The following NLGN1 variants were observed in gnomAD, a reference collection of about 807,000 sequenced individuals.
The protein encoded by NLGN1 is neuroligin-1.
A neutral mutation model predicts 65.5 loss-of-function variants in NLGN1; 12 were observed. The observed-to-expected ratio is 0.18, with a 90% confidence interval of 0.12 to 0.30. NLGN1 has a LOEUF of 0.30. Among genes scored for constraint, NLGN1 ranks in the 10% least tolerant of loss-of-function variants. NLGN1 has a pLI of 1.00. For synonymous variants in NLGN1, 350 were observed against 359.5 expected (o/e 0.97, Z 0.30); for missense variants, 750 against 1,007.1 (o/e 0.74, Z 3.46).
chr3:173,504,795 C>G (rs1731724921), intron 2 of NLGN1, among the ~76,000 whole-genome samples: 1 of 152,088 alleles, frequency 6.6e-6, no homozygotes, highest in Non-Finnish European at 1.5e-5. Flanking sequence ...ACCACGTTCT[C>G]TTTCCCTTAT....
chr3:173,512,519 T>C lies in NLGN1; in HGVS notation c.-321+77441T>C, dbSNP rs145145897. On this transcript the variant is annotated intron_variant, in intron 2 of 6. Transcript: ENST00000457714. The stretch of plus-strand genomic sequence containing the variant: ...CTTCTTCCCGATGTCCAGCTGCTTC[T>C]AACCTCTGCCGGCTGAGTCTGGGGT... Among the ~76,000 whole-genome samples the C allele has an allele frequency of 1.1e-4, 16 of 152,290 alleles. No homozygotes were observed. The East Asian group carries it at 2.9e-3, about 28-fold the overall frequency.
At chr3:173,454,093 A>C (rs1387867299) in intron 2 of NLGN1, among the ~76,000 whole-genome samples, 1 of 152,196 alleles carries the variant, frequency 6.6e-6, no homozygotes, top group African/African-American at 2.4e-5. Flanking sequence ...AGAGCTCTTG[A>C]GTGACTAGGT....
chr3:174,288,567 A>T (rs192341363), downstream of NLGN1, among the ~76,000 whole-genome samples: 1 of 151,446 alleles, frequency 6.6e-6, no homozygotes, highest in Non-Finnish European at 1.5e-5. Flanking sequence ...GATGGCTTTC[A>T]TATCTTCCAT....
At chr3:173,463,671 C>T (rs1219145295) in intron 2 of NLGN1, among the ~76,000 whole-genome samples, 1 of 152,110 alleles carries the variant, frequency 6.6e-6, no homozygotes, top group African/African-American at 2.4e-5. Context: ...TTCCTGGTAT[C>T]CTTTCAACTA....
At chr3:174,204,939 T>C (rs1735125508) in intron 4 of NLGN1, among the ~76,000 whole-genome samples, 1 of 152,182 alleles carries the variant, frequency 6.6e-6, no homozygotes, top group South Asian at 2.1e-4. Context: ...TAAAGAAGGA[T>C]TTAAATGTAA....
At chr3:173,510,708 TGTC>T (rs201181064) in intron 2 of NLGN1, among the ~76,000 whole-genome samples, 2,002 of 152,280 alleles carry the variant, frequency 0.013, 40 homozygotes, top group African/African-American at 0.045. Flanking sequence ...CTTTGTGCCT[TGTC>T]GTTATAAAAA....
intron 4 of NLGN1, among the ~76,000 whole-genome samples, chr3:174,061,754 T>C (rs1248846750): frequency 6.6e-6 from 1 of 152,146 alleles, no homozygotes; most frequent in Non-Finnish European, 1.5e-5. Context: ...GGTAAGCTAA[T>C]AAGGGCTTGG....
intron 4 of NLGN1, among the ~76,000 whole-genome samples, chr3:173,848,786 A>G (rs893407900): frequency 2.6e-5 from 4 of 152,146 alleles, no homozygotes; most frequent in African/African-American, 9.7e-5. Flanking sequence ...CTTTATGTGA[A>G]TTGATTTACC....
chr3:173,915,479 C>T (rs1256577855), intron 4 of NLGN1, among the ~76,000 whole-genome samples: 3 of 152,104 alleles, frequency 2.0e-5, no homozygotes, highest in Non-Finnish European at 4.4e-5. Context: ...GAATAATATC[C>T]AATTAAGCTT....
intron 4 of NLGN1, among the ~76,000 whole-genome samples, chr3:173,993,996 T>C (rs1220405091): frequency 6.6e-6 from 1 of 152,084 alleles, no homozygotes; most frequent in Non-Finnish European, 1.5e-5. Flanking sequence ...TCTCATATTA[T>C]CGTAAGTAAA....
intron 4 of NLGN1, among the ~76,000 whole-genome samples, chr3:174,144,368 A>G (rs1436690701): frequency 6.6e-6 from 1 of 152,344 alleles, no homozygotes; most frequent in Admixed American, 6.5e-5. Flanking sequence ...TCATGCTGCA[A>G]TAAACATACA....
intron 4 of NLGN1, among the ~76,000 whole-genome samples, chr3:174,090,791 C>CA (rs1204135794): frequency 6.6e-6 from 1 of 150,934 alleles, no homozygotes; most frequent in African/African-American, 2.4e-5. Context: ...ACAGATGATT[C>CA]AGCCCCTTGC....
Position 174,279,567 on chromosome 3 carries a change from G to C in NLGN1, c.1566G>C (p.Glu522Asp). The C allele has an allele frequency of 6.2e-7, 1 of 1,613,174 alleles. No homozygotes were observed. Among genetic ancestry groups the C allele is most frequent in the Non-Finnish European group, 8.5e-7 (1 of 1,179,484 alleles). Reference sequence around the variant, plus strand: ...GAATCCCCATGATTGGCCCTACAGAGTTATTTCCTTGCAATTTCTCCAAAA... The same window carrying C: ...GAATCCCCATGATTGGCCCTACAGACTTATTTCCTTGCAATTTCTCCAAAA... The change falls in exon 6 of 7, where the codon GAG (glutamate) becomes GAC (aspartate). Residue 522 changes from glutamate to aspartate, a missense_variant. Transcript: ENST00000457714. This position sits in a 1 kb window ranked among gnomAD's most constrained non-coding sequence, Gnocchi z 4.7.
chr3:174,080,723 T>G (rs1447264203), intron 4 of NLGN1, among the ~76,000 whole-genome samples: 5 of 152,024 alleles, frequency 3.3e-5, no homozygotes, highest in African/African-American at 1.2e-4. Flanking sequence ...GCTCCTGAGA[T>G]CTTATCAGGA....
At chr3:174,214,786 G>A (rs1055857291) in intron 4 of NLGN1, among the ~76,000 whole-genome samples, 2 of 152,118 alleles carry the variant, frequency 1.3e-5, no homozygotes, top group Non-Finnish European at 2.9e-5. Flanking sequence ...GGTCATCAGG[G>A]ACCCAGCATT....
intron 4 of NLGN1, among the ~76,000 whole-genome samples, chr3:174,242,903 T>C (rs1428034918): frequency 6.6e-6 from 1 of 152,204 alleles, no homozygotes; most frequent in East Asian, 1.9e-4. Context: ...CTGCCATAAA[T>C]GATCTAACGG....
At chr3:173,539,662 T>TATATGTAC (rs745397560) in intron 2 of NLGN1, among the ~76,000 whole-genome samples, 1 of 116,134 alleles carries the variant, frequency 8.6e-6, no homozygotes, top group African/African-American at 4.2e-5. Context: ...CATATGTGTA[T>TATATGTAC]ATATGCACAT....
intron 3 of NLGN1, among the ~76,000 whole-genome samples, chr3:173,760,651 T>G (rs1331197889): frequency 6.6e-6 from 1 of 152,040 alleles, no homozygotes; most frequent in Non-Finnish European, 1.5e-5. Context: ...TTAGTTTTAT[T>G]TAGTACCTCT....
intron 4 of NLGN1, among the ~76,000 whole-genome samples, chr3:174,012,030 A>G (rs1725660079): frequency 6.6e-6 from 1 of 152,188 alleles, no homozygotes; most frequent in Non-Finnish European, 1.5e-5. Flanking sequence ...AGCTTTCTTC[A>G]GTACTCTCAG....
Sources: allele counts gnomAD v4.1 joint callset (sites outside exome capture counted in the v4.1 genomes callset), GRCh38; gene constraint gnomAD v4.1.1; non-coding constraint Gnocchi (gnomAD v3.1); transcripts MANE v1.5; gene names NCBI Gene and HGNC (gene_info 2026-07-23, HGNC 2026-07-21).